Variants in SGTA observed in about 807,000 individuals in gnomAD.
SGTA encodes the protein small glutamine rich tetratricopeptide repeat co-chaperone alpha, also known as small glutamine-rich tetratricopeptide repeat-containing protein alpha.
In SGTA, 22 loss-of-function variants were observed where a neutral mutation model predicts 44.3. The ratio of observed to expected loss-of-function variants is 0.50; its 90% CI spans 0.36 to 0.71. SGTA has a LOEUF of 0.71. SGTA is among the 30% of genes least tolerant of loss of function. SGTA has a pLI of 0.00. For synonymous variants in SGTA, 174 were observed against 177.6 expected (o/e 0.98, Z 0.16); for missense variants, 341 against 435.9 (o/e 0.78, Z 1.94).
rs1914843266 is a variant in SGTA, at chr19:2,757,194, G to C, written c.*6+143C>G. ...CGGTTCAGGGTGATCTTCTGAGCTG[G>C]ATGCACCCAGGACTCGCTGTCCAGT... On this transcript the variant is annotated intron_variant, in intron 11 of 11. Transcript: ENST00000221566. 3.8e-6 allele frequency: 4 copies of C among 1,062,414 alleles called. No homozygotes were observed. In the African/African-American group the frequency reaches 4.8e-5, roughly 13 times the overall value. The allele number at this position is 1,062,414 out of a possible 1,614,324, so 65.8% of individuals were successfully genotyped here. A position where few individuals can be genotyped will look rare whatever the true frequency, so the allele number is the denominator to read the frequency against.
In SGTA at chr19:2,765,281, G is replaced by A. The variant is rs756794017; in HGVS notation, c.297C>T (p.Asn99=). The A allele has an allele frequency of 2.4e-5, 39 of 1,611,916 alleles. No individual in the cohort carries two copies. Among genetic ancestry groups the A allele is most frequent in the East Asian group, 8.9e-5 (4 of 44,876 alleles). ...CAAAGTTTTCCACTTTCATCTGCTCGTTTCCTACAGGGAGAGAGGAAAACA... is the reference window on the plus strand; with the variant it reads ...CAAAGTTTTCCACTTTCATCTGCTCATTTCCTACAGGGAGAGAGGAAAACA... ...AEAERLKTEG[N]EQMKVENFEA... Residue 99 remains asparagine (N), a synonymous_variant, in exon 5 of 12, where the codon AAC becomes AAT. Coordinates refer to ENST00000221566, the MANE Select transcript of SGTA (RefSeq NM_003021.4). The surrounding 1 kb of genome is among the most constrained non-coding windows in gnomAD (Gnocchi z 5.5).
intron 11 of SGTA, among the ~76,000 whole-genome samples, chr19:2,756,923 T>C (rs1422148154): frequency 6.6e-6 from 1 of 152,126 alleles, no homozygotes; most frequent in Admixed American, 6.5e-5. Context: ...ACCCGGCTTG[T>C]CCTTTCCACC....
Position 2,765,728 on chromosome 19 carries a change from A to T in SGTA, c.293-443T>A, listed in dbSNP as rs546559584. Reference sequence around the variant, plus strand: ...TCATTTCATAGGCAATGGGGCTTCTATCTGAGGCATGGGTCCCAGCTGGTA... The same window carrying T: ...TCATTTCATAGGCAATGGGGCTTCTTTCTGAGGCATGGGTCCCAGCTGGTA... On this transcript the variant is annotated intron_variant, in intron 4 of 11. Coordinates refer to ENST00000221566, the MANE Select transcript of SGTA (RefSeq NM_003021.4). This position sits in a 1 kb window ranked among gnomAD's most constrained non-coding sequence, Gnocchi z 5.5. Among the ~76,000 whole-genome samples, 1 of 152,274 alleles carries T rather than the reference A, an allele frequency of 6.6e-6. No homozygotes were observed. The highest frequency in any genetic ancestry group is 1.5e-5 in the Non-Finnish European group (1 of 68,016).
At chr19:2,768,933 C>A (rs750186857) in intron 2 of SGTA, 36 bp downstream of exon 2, 1 of 1,508,946 alleles carries the variant, frequency 6.6e-7, no homozygotes, top group Admixed American at 1.7e-5. Flanking sequence ...CTGGCCGCTG[C>A]CCGGGGAGAG....
chr19:2,763,623 G>A lies in SGTA; in HGVS notation c.497+30C>T. On this transcript the variant is annotated intron_variant, in intron 6 of 11. Transcript: ENST00000221566. This position sits in a 1 kb window ranked among gnomAD's most constrained non-coding sequence, Gnocchi z 5.8. ...AGGAGAGGAGGGGTCCCGAGAGACT[G>A]GAAAGGCGCGGCCGTGGACAGGCAC... The A allele has an allele frequency of 6.6e-7, 1 of 1,521,798 alleles. No homozygotes were observed. The highest frequency in any genetic ancestry group is 1.1e-5 in the South Asian group (1 of 87,640). 94.3% of individuals were successfully genotyped at this position (1,521,798 alleles called of 1,614,324 possible). A position where few individuals can be genotyped will look rare whatever the true frequency, so the allele number is the denominator to read the frequency against.
At chr19:2,762,888 G>C (rs1915039624) in intron 6 of SGTA, among the ~76,000 whole-genome samples, 1 of 152,230 alleles carries the variant, frequency 6.6e-6, no homozygotes, top group Non-Finnish European at 1.5e-5. Flanking sequence ...GCCACACACA[G>C]GGCCTCAAAG....
Position 2,765,268 on chromosome 19 carries a change from C to G in SGTA, c.310G>C (p.Val104Leu). 1 of 1,613,758 alleles carries G rather than the reference C, an allele frequency of 6.2e-7. No individual in the cohort carries two copies. Among genetic ancestry groups the G allele is most frequent in the Non-Finnish European group, 8.5e-7 (1 of 1,179,744 alleles). The change falls in exon 5 of 12, where the codon GTG becomes CTG. Residue 104 changes from valine (V) to leucine (L), a missense_variant. Transcript: ENST00000221566. The surrounding 1 kb of genome is among the most constrained non-coding windows in gnomAD (Gnocchi z 5.5). Reference protein sequence around the residue: ...LKTEGNEQMKVENFEAAVHFY... With the variant: ...LKTEGNEQMKLENFEAAVHFY... ...TGCACGGCAGCTTCAAAGTTTTCCA[C>G]TTTCATCTGCTCGTTTCCTACAGGG... is the stretch of plus-strand genomic sequence containing the variant.
chr19:2,769,526 G>C (rs969944181), intron 1 of SGTA, among the ~76,000 whole-genome samples: 36 of 152,220 alleles, frequency 2.4e-4, no homozygotes, highest in African/African-American at 8.4e-4. Flanking sequence ...AGTGCTGAGA[G>C]GGAGAGACCT....
chr19:2,773,683 C>T (rs1161670476), intron 1 of SGTA, among the ~76,000 whole-genome samples: 5 of 42,066 alleles, frequency 1.2e-4, no homozygotes, highest in Admixed American at 4.2e-4. Context: ...GACGCGGCCA[C>T]ACGGCAGGGA....
chr19:2,773,603 C>G (rs1451323593), intron 1 of SGTA, among the ~76,000 whole-genome samples: 3 of 23,524 alleles, frequency 1.3e-4, no homozygotes, highest in Non-Finnish European at 1.9e-4. Context: ...CACGGCCACA[C>G]GGCAGGGACT....
chr19:2,760,981 G>A (rs1198487486), intron 8 of SGTA, among the ~76,000 whole-genome samples: 3 of 152,238 alleles, frequency 2.0e-5, no homozygotes, highest in East Asian at 3.8e-4. Flanking sequence ...GCCAAAGGCC[G>A]TCCCTTTGGA....
At chr19:2,760,761 A>G (rs1373438208) in intron 8 of SGTA, among the ~76,000 whole-genome samples, 1 of 152,096 alleles carries the variant, frequency 6.6e-6, no homozygotes, top group Admixed American at 6.5e-5. Flanking sequence ...GCTGAATGGC[A>G]CGACCCGGGC....
rs375133977 is a variant in SGTA, at chr19:2,760,885, T to C, written c.699+575A>G. Among the ~76,000 whole-genome samples the C allele has an allele frequency of 3.3e-5, 5 of 151,866 alleles. No homozygotes were observed. In the South Asian group the frequency reaches 1.0e-3, roughly 32 times the overall value. On this transcript the variant is annotated intron_variant, in intron 8 of 11. Coordinates refer to ENST00000221566, the MANE Select transcript of SGTA (RefSeq NM_003021.4). The stretch of plus-strand genomic sequence containing the variant: ...CCTGAGGCTGTGGGAGCCTGAAGAG[T>C]GGTCCCAGGGCACACAGACCTCCCA...
At chr19:2,778,006 G>C (rs1807994560) in intron 1 of SGTA, 1 of 132,868 alleles carries the variant, frequency 7.5e-6, no homozygotes, top group Non-Finnish European at 1.6e-5. Context: ...GACAAAGCAA[G>C]ACGTCATCTC....
At chr19:2,769,328 G>A (rs1915235090) in intron 1 of SGTA, among the ~76,000 whole-genome samples, 1 of 152,196 alleles carries the variant, frequency 6.6e-6, no homozygotes, top group East Asian at 1.9e-4. Context: ...GGCAAGCAGG[G>A]CCTGCCCTAG....
At chr19:2,777,323 G>C (rs894941854) in intron 1 of SGTA, among the ~76,000 whole-genome samples, 8 of 151,482 alleles carry the variant, frequency 5.3e-5, no homozygotes, top group Non-Finnish European at 8.8e-5. Flanking sequence ...AGGCCAAAGC[G>C]GGGGGATCAC....
intron 7 of SGTA, among the ~76,000 whole-genome samples, chr19:2,762,044 G>GCAC (rs1290919936): frequency 6.6e-6 from 1 of 152,050 alleles, no homozygotes; most frequent in African/African-American, 2.4e-5. Flanking sequence ...ACCCAGAAAC[G>GCAC]CACCTTTGAA....
intron 1 of SGTA, among the ~76,000 whole-genome samples, chr19:2,776,354 G>C (rs1915445173): frequency 6.6e-6 from 1 of 152,252 alleles, no homozygotes; most frequent in Non-Finnish European, 1.5e-5. Flanking sequence ...CCACACGACG[G>C]AACGCTACGC....
At chr19:2,780,397 C>A (rs909910766) in intron 1 of SGTA, among the ~76,000 whole-genome samples, 2 of 152,192 alleles carry the variant, frequency 1.3e-5, no homozygotes, top group Non-Finnish European at 2.9e-5. Context: ...CTACTTCCTT[C>A]TAAAATGCCA....
Sources: gnomAD v4.1 joint callset for allele counts (sites outside exome capture counted in the v4.1 genomes callset) on GRCh38, gnomAD v4.1.1 for gene constraint, Gnocchi (gnomAD v3.1) non-coding constraint, MANE v1.5 for transcripts, NCBI Gene and HGNC (gene_info 2026-07-23, HGNC 2026-07-21) for gene names.